The following UBR1 variants were observed in gnomAD, a reference collection of about 807,000 sequenced individuals.
UBR1 encodes E3 ubiquitin-protein ligase UBR1.
In UBR1, 102 loss-of-function variants were observed where a neutral mutation model predicts 242.1. That is an observed-to-expected ratio of 0.42 (90% CI 0.36 to 0.50). The LOEUF is 0.50. Ranked by LOEUF, UBR1 falls within the 20% of genes least tolerant of loss-of-function variation. The pLI, the probability that UBR1 is intolerant of heterozygous loss-of-function variation, is 0.01. For missense variants in UBR1, 1,772 were observed against 2,101.8 expected, an observed-to-expected ratio of 0.84 and a Z score of 3.07; for synonymous variants, 675 against 684.8, an observed-to-expected ratio of 0.99 and a Z score of 0.22.
At chr15:42,997,968 C>T (rs577889231) in intron 33 of UBR1, among the ~76,000 whole-genome samples, 200 bp downstream of exon 33, 96 of 152,222 alleles carry the variant, frequency 6.3e-4, no homozygotes, top group African/African-American at 2.2e-3. Context: ...TAATCACTGT[C>T]TGTATTGTCT....
At chr15:43,014,899 C>T (rs2032992486) in intron 29 of UBR1, among the ~76,000 whole-genome samples, 3 of 151,330 alleles carry the variant, frequency 2.0e-5, no homozygotes, top group South Asian at 2.1e-4. Flanking sequence ...AGCCCCCGCC[C>T]GGCCAGCCAC....
intron 44 of UBR1, among the ~76,000 whole-genome samples, chr15:42,954,132 ACCT>A (rs1426687071): frequency 6.6e-6 from 1 of 151,650 alleles, no homozygotes; most frequent in Non-Finnish European, 1.5e-5. Context: ...AGATTCACCC[ACCT>A]CAGCCTCCCA....
chr15:43,066,322 C>G (rs1336815797), intron 6 of UBR1, among the ~76,000 whole-genome samples: 1 of 152,100 alleles, frequency 6.6e-6, no homozygotes, highest in Non-Finnish European at 1.5e-5. Context: ...TTCCATTGGT[C>G]TATGTGTCTG....
rs2033985019 is a variant in UBR1, at chr15:43,082,526, T to C, written c.417+112A>G. Reference sequence around the variant, plus strand: ...CTTCCAATCTTTTCTTTAAAATGGCTATGTTCACATATCAGAGCTGTTATA... The same window carrying C: ...CTTCCAATCTTTTCTTTAAAATGGCCATGTTCACATATCAGAGCTGTTATA... On this transcript the variant is annotated intron_variant, in intron 3 of 46. Coordinates refer to ENST00000290650, the MANE Select transcript of UBR1 (RefSeq NM_174916.3). 3 of 812,382 alleles carry C rather than the reference T, an allele frequency of 3.7e-6. No individual in the cohort carries two copies. The Admixed American group carries it at 6.0e-5, about 16-fold the overall frequency. The allele number at this position is 812,382 out of a possible 1,614,324, so 50.3% of individuals were successfully genotyped here.
intron 33 of UBR1, among the ~76,000 whole-genome samples, chr15:42,996,324 C>T (rs1332026759): frequency 6.6e-6 from 1 of 152,134 alleles, no homozygotes; most frequent in African/African-American, 2.4e-5. Flanking sequence ...AGGCTGGGCA[C>T]ACTGGCTCAT....
At chr15:42,952,559 G>A (rs929195058) in intron 44 of UBR1, 111 bp from the exon 45 acceptor site, 14 of 1,209,884 alleles carry the variant, frequency 1.2e-5, no homozygotes, top group Non-Finnish European at 1.7e-5. Flanking sequence ...CCCCTTTCCA[G>A]CAAGGAAGCT....
chr15:43,100,784 G>T (rs936745549), intron 1 of UBR1, among the ~76,000 whole-genome samples: 2 of 152,170 alleles, frequency 1.3e-5, no homozygotes, highest in African/African-American at 4.8e-5. Context: ...GCAGTGAGCC[G>T]AGATCGCACC....
rs748070576 is a variant in UBR1, at chr15:43,015,848, C to T, written c.3049G>A (p.Ala1017Thr). Reference sequence around the variant, plus strand: ...GCTTCAGCTTTTCTTTTTCGTTCTGCTTTTTCTTTATCATGAGTAATCTGG... The same window carrying T: ...GCTTCAGCTTTTCTTTTTCGTTCTGTTTTTTCTTTATCATGAGTAATCTGG... Reference protein sequence around the residue: ...NDEITHDKEKAERKRKAEAAR... With the variant: ...NDEITHDKEKTERKRKAEAAR... The change falls in exon 29 of 47, where the codon GCA (alanine) becomes ACA (threonine). Residue 1017 changes from alanine to threonine, a missense_variant. Around this residue, in one of 3 missense-constraint regions of UBR1, gnomAD observed 965 missense variants for 1,079.7 expected, o/e 0.89. Transcript: ENST00000290650. The T allele has an allele frequency of 6.2e-6, 10 of 1,613,922 alleles. No individual in the cohort carries two copies. The highest frequency in any genetic ancestry group is 6.8e-6 in the Non-Finnish European group (8 of 1,179,968).
At chr15:43,100,554 T>A (rs1211133794) in intron 1 of UBR1, among the ~76,000 whole-genome samples, 1 of 152,184 alleles carries the variant, frequency 6.6e-6, no homozygotes, top group African/African-American at 2.4e-5. Flanking sequence ...TACATCAATG[T>A]GGCCAGGCAT....
At chr15:42,996,308 T>C (rs1264897815) in intron 33 of UBR1, among the ~76,000 whole-genome samples, 1 of 152,210 alleles carries the variant, frequency 6.6e-6, no homozygotes, top group African/African-American at 2.4e-5. Flanking sequence ...CTTTGTATGA[T>C]AACTTAGGCT....
intron 3 of UBR1, among the ~76,000 whole-genome samples, chr15:43,077,390 C>T (rs1194290737): frequency 6.6e-6 from 1 of 151,896 alleles, no homozygotes; most frequent in Non-Finnish European, 1.5e-5. Context: ...GCTGTGTCCA[C>T]TCAGGGTTAA....
chr15:43,089,431 C>T (rs1460167274), intron 1 of UBR1, among the ~76,000 whole-genome samples: 1 of 149,924 alleles, frequency 6.7e-6, no homozygotes, highest in Non-Finnish European at 1.5e-5. Context: ...GGAGGCGGAG[C>T]TTGCAGTAAG....
chr15:43,076,196 A>C (rs28464590), intron 3 of UBR1, among the ~76,000 whole-genome samples: 2 of 124,304 alleles, frequency 1.6e-5, no homozygotes, highest in Admixed American at 8.1e-5. Flanking sequence ...TGGCCGGGCC[A>C]GTCTCCAGCC....
intron 1 of UBR1, among the ~76,000 whole-genome samples, chr15:43,087,978 A>G (rs553111448): frequency 6.3e-4 from 96 of 152,348 alleles, no homozygotes; most frequent in African/African-American, 2.2e-3. Context: ...ATGTATCTGT[A>G]TATGTTTATA....
At chr15:43,043,436 A>G (rs1185174184) in intron 14 of UBR1, 41 bp from the exon 15 acceptor site, 1 of 1,596,706 alleles carries the variant, frequency 6.3e-7, no homozygotes, top group Non-Finnish European at 8.6e-7. Context: ...CAAGTTTTCT[A>G]CTTTAACACT....
chr15:43,082,877 T>C (rs1213636515), intron 2 of UBR1, among the ~76,000 whole-genome samples, 161 bp from the exon 3 acceptor site: 1 of 152,236 alleles, frequency 6.6e-6, no homozygotes, highest in African/African-American at 2.4e-5. Flanking sequence ...ACAAAGATAA[T>C]ATTGCTAGCA....
intron 14 of UBR1, among the ~76,000 whole-genome samples, chr15:43,045,581 C>CTT (rs1035812665): frequency 2.6e-5 from 4 of 152,086 alleles, no homozygotes; most frequent in African/African-American, 9.7e-5. Flanking sequence ...TCCCTATGAA[C>CTT]TTTTAACTAA....
chr15:43,035,386 G>C (rs1246319910), intron 19 of UBR1, among the ~76,000 whole-genome samples: 1 of 152,142 alleles, frequency 6.6e-6, no homozygotes, highest in Non-Finnish European at 1.5e-5. Flanking sequence ...AGGAGGTATG[G>C]TTAAGAAATA....
chr15:43,007,769 A>G (rs141877767), intron 29 of UBR1, among the ~76,000 whole-genome samples: 4 of 152,310 alleles, frequency 2.6e-5, no homozygotes, highest in Non-Finnish European at 4.4e-5. Flanking sequence ...ATCCTGCTCT[A>G]TTCACTTATA....
Sources: allele counts gnomAD v4.1 joint callset (sites outside exome capture counted in the v4.1 genomes callset), GRCh38; gene constraint gnomAD v4.1.1; regional missense constraint gnomAD v4.1.1; transcripts MANE v1.5; gene names NCBI Gene and HGNC (gene_info 2026-07-23, HGNC 2026-07-21).